Variants in SNTG1 observed in about 807,000 individuals in gnomAD.
SNTG1 encodes the protein syntrophin gamma 1.
A neutral mutation model predicts 74.7 loss-of-function variants in SNTG1; 39 were observed. The ratio of observed to expected loss-of-function variants is 0.52; its 90% confidence interval spans 0.40 to 0.68. The LOEUF (loss-of-function observed/expected upper bound fraction) is 0.68, where lower values mean the gene tolerates loss of function less well. Among genes scored for constraint, SNTG1 ranks in the 30% least tolerant of loss-of-function variants. The pLI is 0.00. For missense variants in SNTG1, 685 were observed against 609.5 expected (o/e 1.12, Z -1.30); for synonymous variants, 254 against 217.1 (o/e 1.17, Z -1.49).
intron 15 of SNTG1, among the ~76,000 whole-genome samples, chr8:50,665,126 C>G (rs911658111): frequency 6.6e-6 from 1 of 151,960 alleles, no homozygotes; most frequent in Non-Finnish European, 1.5e-5. Context: ...TACAGTCACA[C>G]TGATATTCAT....
chr8:50,685,491 A>T (rs905628320), intron 15 of SNTG1, among the ~76,000 whole-genome samples: 6 of 152,164 alleles, frequency 3.9e-5, no homozygotes, highest in Non-Finnish European at 7.4e-5. Context: ...TAAAAAACAT[A>T]TTTTACCTGT....
At chr8:50,109,059 C>T (rs1586311906) in intron 1 of SNTG1, among the ~76,000 whole-genome samples, 1 of 152,224 alleles carries the variant, frequency 6.6e-6, no homozygotes, top group East Asian at 1.9e-4. Flanking sequence ...CTGGGTCCAG[C>T]CCTGTGGGGC....
intron 15 of SNTG1, among the ~76,000 whole-genome samples, chr8:50,661,358 A>G (rs183169926): frequency 4.9e-4 from 75 of 152,316 alleles, no homozygotes; most frequent in Non-Finnish European, 6.8e-4. Context: ...AAATATTTTA[A>G]TGTATTCAAG....
chr8:50,394,981 T>TA (rs2092708805), intron 3 of SNTG1, among the ~76,000 whole-genome samples: 1 of 152,020 alleles, frequency 6.6e-6, no homozygotes, highest in Non-Finnish European at 1.5e-5. Context: ...TTATTGTATA[T>TA]AAACAACTCA....
intron 2 of SNTG1, among the ~76,000 whole-genome samples, chr8:50,244,190 C>A (rs2086288716): frequency 6.6e-6 from 1 of 152,028 alleles, no homozygotes; most frequent in African/African-American, 2.4e-5. Flanking sequence ...ACACGCAGAT[C>A]TTGGGAGTAC....
intron 15 of SNTG1, among the ~76,000 whole-genome samples, chr8:50,672,001 A>G (rs2095285761): frequency 7.3e-6 from 1 of 137,454 alleles, no homozygotes; most frequent in Non-Finnish European, 1.5e-5. Context: ...CAATGAGAAC[A>G]CATGGACACA....
intron 18 of SNTG1, among the ~76,000 whole-genome samples, chr8:50,779,799 T>C (rs1385698334): frequency 1.3e-5 from 2 of 152,104 alleles, no homozygotes; most frequent in Non-Finnish European, 2.9e-5. Flanking sequence ...AAGGGAATGC[T>C]TCCAGTTTTT....
At chr8:50,124,871 TG>T (rs2081093917) in intron 1 of SNTG1, among the ~76,000 whole-genome samples, 1 of 141,888 alleles carries the variant, frequency 7.0e-6, no homozygotes, top group Non-Finnish European at 1.6e-5. Flanking sequence ...ATAGAATTTT[TG>T]AAATATTTGT....
chr8:50,011,511 T>C (rs1815791712), intron 1 of SNTG1, among the ~76,000 whole-genome samples: 1 of 152,124 alleles, frequency 6.6e-6, no homozygotes, highest in East Asian at 1.9e-4. Flanking sequence ...GTTTTTAACC[T>C]CTTAAGTATT....
At chr8:50,309,005 G>A (rs913260673) in intron 2 of SNTG1, among the ~76,000 whole-genome samples, 1 of 152,000 alleles carries the variant, frequency 6.6e-6, no homozygotes, top group Non-Finnish European at 1.5e-5. Flanking sequence ...AGGCTTTCCT[G>A]ATAGAACACA....
At chr8:50,497,521 T>C (rs1045012692) in intron 8 of SNTG1, among the ~76,000 whole-genome samples, 3 of 152,010 alleles carry the variant, frequency 2.0e-5, no homozygotes, top group Admixed American at 6.6e-5. Flanking sequence ...TAATATAATG[T>C]CAATACAAAT....
intron 2 of SNTG1, among the ~76,000 whole-genome samples, chr8:50,180,099 C>T (rs978428417): frequency 6.6e-6 from 1 of 152,100 alleles, no homozygotes; most frequent in Admixed American, 6.5e-5. Flanking sequence ...ACTATTCAGT[C>T]TTAAAAAAGG....
At chr8:50,208,268 T>C (rs1190236378) in intron 2 of SNTG1, among the ~76,000 whole-genome samples, 1 of 152,244 alleles carries the variant, frequency 6.6e-6, no homozygotes, top group Non-Finnish European at 1.5e-5. Context: ...GGTGCATATA[T>C]ATTTAGGATA....
intron 15 of SNTG1, among the ~76,000 whole-genome samples, chr8:50,670,194 C>A (rs535059410): frequency 2.0e-5 from 3 of 151,950 alleles, no homozygotes; most frequent in Non-Finnish European, 4.4e-5. Context: ...CTGGCCAGGG[C>A]GATTAAGCAG....
intron 1 of SNTG1, among the ~76,000 whole-genome samples, chr8:50,005,918 A>G (rs1171622924): frequency 1.7e-5 from 1 of 60,090 alleles, no homozygotes; most frequent in Non-Finnish European, 3.6e-5. Flanking sequence ...TGCTGTATTT[A>G]TTTCTGTTAC....
At chr8:50,437,703 C>T (rs1016801705) in intron 4 of SNTG1, among the ~76,000 whole-genome samples, 3 of 152,142 alleles carry the variant, frequency 2.0e-5, no homozygotes, top group Non-Finnish European at 4.4e-5. Context: ...GGGGAATGTT[C>T]AAAAAGATTG....
At chr8:50,657,754 T>C (rs1429939988) in intron 14 of SNTG1, among the ~76,000 whole-genome samples, 2 of 152,142 alleles carry the variant, frequency 1.3e-5, no homozygotes, top group East Asian at 1.9e-4. Flanking sequence ...CTATATAAAA[T>C]CAATAACATT....
intron 17 of SNTG1, among the ~76,000 whole-genome samples, chr8:50,733,130 A>G (rs1278204901): frequency 6.6e-6 from 1 of 151,748 alleles, no homozygotes; most frequent in East Asian, 1.9e-4. Flanking sequence ...TCTCATATTT[A>G]TGTTATTTTA....
chr8:50,543,658 A>G (rs749115885), intron 11 of SNTG1, among the ~76,000 whole-genome samples: 1 of 152,162 alleles, frequency 6.6e-6, no homozygotes, highest in Non-Finnish European at 1.5e-5. Flanking sequence ...GAATATTTGT[A>G]TATAGATTTT....
Sources: allele counts gnomAD v4.1 joint callset (sites outside exome capture counted in the v4.1 genomes callset), GRCh38; gene constraint gnomAD v4.1.1; transcripts MANE v1.5; gene names NCBI Gene and HGNC (gene_info 2026-07-23, HGNC 2026-07-21).